The following ZNF782 variants were observed in gnomAD, a reference collection of about 807,000 sequenced individuals.
ZNF782 encodes zinc finger protein 782.
Under a neutral mutation model 13.0 loss-of-function variants are expected in ZNF782, and 12 were observed. The observed-to-expected ratio is 0.92, with a 90% CI of 0.59 to 1.50. The LOEUF is 1.50. ZNF782 is among the 40% of genes most tolerant of loss of function. ZNF782 has a pLI of 0.00. For synonymous variants in ZNF782, 284 were observed against 283.0 expected (o/e 1.00, Z -0.04); for missense variants, 770 against 822.9 (o/e 0.94, Z 0.79).
At chr9:96,901,261 G>C in the ZNF782 span, among the ~76,000 whole-genome samples, 1 of 143,952 alleles carries the variant, frequency 6.9e-6, no homozygotes, top group South Asian at 2.2e-4. Context: ...TCCTATAATT[G>C]AAAAAAAACT....
chr9:96,843,996 C>T (rs898088126), intron 4 of ZNF782, among the ~76,000 whole-genome samples: 2 of 152,058 alleles, frequency 1.3e-5, no homozygotes, highest in African/African-American at 2.4e-5. Flanking sequence ...ATTTATGAAT[C>T]GCTAAAAAGC....
intron 4 of ZNF782, among the ~76,000 whole-genome samples, chr9:96,830,830 A>G (rs1850775922): frequency 6.6e-6 from 1 of 152,236 alleles, no homozygotes; most frequent in African/African-American, 2.4e-5. Context: ...TAAACAAACA[A>G]TAAGAAACAT....
At chr9:96,858,625 T>C (rs1851671198), upstream of ZNF782, among the ~76,000 whole-genome samples, 1 of 152,172 alleles carries the variant, frequency 6.6e-6, no homozygotes, top group Non-Finnish European at 1.5e-5. The surrounding 1 kb of genome is among the most constrained non-coding windows in gnomAD (Gnocchi z 4.4). Context: ...AATGGCTTTG[T>C]GGGTGACGCT....
the ZNF782 span, among the ~76,000 whole-genome samples, chr9:96,920,556 G>T: frequency 6.8e-6 from 1 of 147,422 alleles, no homozygotes; most frequent in Non-Finnish European, 1.5e-5. Flanking sequence ...GTGAGCCACC[G>T]CGCCCAGCCC....
rs369457752 is a variant in ZNF782 at position 96,845,019 on chromosome 9, G to C, written c.16-3C>G. ...ACGTCCTGGAATGACACTGATGCCTGTAACAGCGCATTTCTAATTAATCTG... is the reference window on the plus strand; with the variant it reads ...ACGTCCTGGAATGACACTGATGCCTCTAACAGCGCATTTCTAATTAATCTG... On this transcript the variant is annotated splice_polypyrimidine_tract_variant and splice_region_variant and intron_variant, in intron 3 of 5. Coordinates refer to ENST00000481138, the MANE Select transcript of ZNF782 (RefSeq NM_001001662.3). 6 of 1,613,814 alleles carry C rather than the reference G, an allele frequency of 3.7e-6. No individual in the cohort carries two copies. The highest frequency in any genetic ancestry group is 5.1e-6 in the Non-Finnish European group (6 of 1,179,892).
chr9:96,902,785 A>C, the ZNF782 span: 28 of 114,250 alleles, frequency 2.5e-4, 1 homozygote, highest in African/African-American at 1.4e-3. Flanking sequence ...TCAGTTTATT[A>C]TTATTATTAT....
intron 1 of ZNF782, among the ~76,000 whole-genome samples, chr9:96,862,384 A>G (rs971042791): frequency 1.3e-5 from 2 of 151,612 alleles, no homozygotes; most frequent in Non-Finnish European, 3.0e-5. Flanking sequence ...TAATTGAATT[A>G]TTTGTAAAAC....
In ZNF782 at chr9:96,818,549, C is replaced by T; in HGVS notation, c.1474G>A (p.Gly492Ser). Residue 492 changes from glycine (G) to serine (S), a missense_variant, in exon 6 of 6, where the codon GGC becomes AGC. By Grantham distance (56) the Gly-to-Ser change is moderately conservative. Coordinates refer to ENST00000481138, the MANE Select transcript of ZNF782 (RefSeq NM_001001662.3). ...TGAGTTCTTCGGTGATTCCTTAGGCCTGACATATGGCTGAAAGATTTCCCG... is the reference window on the plus strand; with the variant it reads ...TGAGTTCTTCGGTGATTCCTTAGGCTTGACATATGGCTGAAAGATTTCCCG... ...ECGKSFSHMS[G>S]LRNHRRTHTG... 1 of 1,613,128 alleles carries T rather than the reference C, an allele frequency of 6.2e-7. No homozygotes were observed. Among genetic ancestry groups the T allele is most frequent in the Non-Finnish European group, 8.5e-7 (1 of 1,179,752 alleles).
chr9:96,911,322 C>G, the ZNF782 span, among the ~76,000 whole-genome samples: 1 of 142,482 alleles, frequency 7.0e-6, no homozygotes, highest in Admixed American at 7.0e-5. Context: ...GCCTGTAGTC[C>G]CAGCTACTCG....
At chr9:96,862,422 A>G (rs926971851) in intron 1 of ZNF782, among the ~76,000 whole-genome samples, 2 of 152,214 alleles carry the variant, frequency 1.3e-5, no homozygotes, top group Admixed American at 1.3e-4. Flanking sequence ...GGTGTGATGG[A>G]TACTTCATTT....
the ZNF782 span, chr9:96,887,821 T>C: frequency 6.6e-6 from 1 of 152,046 alleles, no homozygotes; most frequent in East Asian, 1.9e-4. Context: ...ATATACACCA[T>C]GGAATACTAT....
At chr9:96,885,428 A>C in the ZNF782 span, among the ~76,000 whole-genome samples, 1 of 152,192 alleles carries the variant, frequency 6.6e-6, no homozygotes, top group South Asian at 2.1e-4. Context: ...ACAGATCAAT[A>C]AAATTTACCC....
chr9:96,881,960 G>A, the ZNF782 span, among the ~76,000 whole-genome samples: 97 of 150,836 alleles, frequency 6.4e-4, 1 homozygote, highest in South Asian at 0.02. Context: ...AGCTTGGATT[G>A]TATAAAATGA....
intron 1 of ZNF782, among the ~76,000 whole-genome samples, chr9:96,874,931 C>T (rs1851875186): frequency 6.6e-6 from 1 of 152,142 alleles, no homozygotes; most frequent in South Asian, 2.1e-4. Context: ...TTCGTGTGAC[C>T]CAACGGATCT....
chr9:96,899,693 A>G, the ZNF782 span, among the ~76,000 whole-genome samples: 1 of 152,244 alleles, frequency 6.6e-6, no homozygotes, highest in East Asian at 1.9e-4. Context: ...AGGGAAAAGC[A>G]GTCTAACCAT....
chr9:96,821,764 C>T (rs559324590), intron 5 of ZNF782, among the ~76,000 whole-genome samples: 2 of 151,822 alleles, frequency 1.3e-5, no homozygotes, highest in Non-Finnish European at 2.9e-5. Context: ...CTTCACCTCC[C>T]GGGTTCACAC....
chr9:96,902,385 G>A, the ZNF782 span, among the ~76,000 whole-genome samples: 1 of 128,858 alleles, frequency 7.8e-6, no homozygotes, highest in Non-Finnish European at 1.5e-5. Context: ...GATCACGTGA[G>A]TGTGCTCCAG....
At chr9:96,920,875 A>C in the ZNF782 span, among the ~76,000 whole-genome samples, 1 of 147,504 alleles carries the variant, frequency 6.8e-6, no homozygotes, top group Non-Finnish European at 1.5e-5. Context: ...AGATCTCGCT[A>C]CTGCACTCCA....
At chr9:96,835,326 G>A (rs28677792) in intron 4 of ZNF782, among the ~76,000 whole-genome samples, 20,860 of 152,266 alleles carry the variant, frequency 0.14, 3,301 homozygotes, top group African/African-American at 0.38. Flanking sequence ...CAGCCTGGCC[G>A]TGTGGAAGAG....
Sources: allele counts gnomAD v4.1 joint callset (sites outside exome capture counted in the v4.1 genomes callset), GRCh38; gene constraint gnomAD v4.1.1; non-coding constraint Gnocchi (gnomAD v3.1); transcripts MANE v1.5; gene names NCBI Gene and HGNC (gene_info 2026-07-23, HGNC 2026-07-21).